The following DLGAP1 variants were observed in gnomAD, a reference collection of about 807,000 sequenced individuals.
The protein encoded by DLGAP1 is disks large-associated protein 1.
In DLGAP1, 11 loss-of-function variants were observed where a neutral mutation model predicts 90.8. The ratio of observed to expected loss-of-function variants is 0.12; its 90% CI spans 0.08 to 0.20. The LOEUF (loss-of-function observed/expected upper bound fraction) is 0.20, where lower values mean the gene tolerates loss of function less well. Ranked by LOEUF, DLGAP1 falls within the 10% of genes least tolerant of loss-of-function variation. DLGAP1 has a pLI of 1.00. For synonymous variants in DLGAP1, 558 were observed against 540.7 expected (o/e 1.03, Z -0.44); for missense variants, 1,050 against 1,333.8 (o/e 0.79, Z 3.31).
chr18:4,174,673 C>A lies in DLGAP1; in HGVS notation c.-266-23386G>T, dbSNP rs577324871. Among the ~76,000 whole-genome samples, 4 of 152,266 alleles carry A rather than the reference C, an allele frequency of 2.6e-5. 1 individual carries two copies. The South Asian group carries it at 8.3e-4, about 32-fold the overall frequency. ...TTATTTTACTTTAAGTTCTGGGATA[C>A]AAGTGCAGAACATGCTGGTTTGTTA... On this transcript the variant is annotated intron_variant, in intron 1 of 12. Transcript: ENST00000315677.
At chr18:3,702,002 C>T (rs2061294576) in intron 7 of DLGAP1, among the ~76,000 whole-genome samples, 1 of 152,066 alleles carries the variant, frequency 6.6e-6, no homozygotes, top group Non-Finnish European at 1.5e-5. Flanking sequence ...TTATGTTATT[C>T]TCTATGTATG....
intron 3 of DLGAP1, among the ~76,000 whole-genome samples, chr18:3,895,158 G>C (rs1235336072): frequency 2.0e-5 from 3 of 152,096 alleles, no homozygotes; most frequent in Non-Finnish European, 4.4e-5. Flanking sequence ...ACTTCGAGCA[G>C]TGCGTGCTCC....
At chr18:4,447,596 G>T (rs2083699796) in intron 1 of DLGAP1, among the ~76,000 whole-genome samples, 1 of 152,062 alleles carries the variant, frequency 6.6e-6, no homozygotes, top group South Asian at 2.1e-4. Flanking sequence ...CTGGGTGGTG[G>T]ACACAAAGGG....
chr18:3,672,239 CAG>C (rs1555623232), intron 7 of DLGAP1, among the ~76,000 whole-genome samples: 2 of 145,382 alleles, frequency 1.4e-5, no homozygotes, highest in Admixed American at 6.8e-5. Context: ...CACACACACA[CAG>C]AGGCAAGAAT....
intron 4 of DLGAP1, among the ~76,000 whole-genome samples, chr18:3,839,999 A>C (rs891425284): frequency 6.6e-6 from 1 of 152,026 alleles, no homozygotes; most frequent in Admixed American, 6.5e-5. Flanking sequence ...AAGCCCCACA[A>C]ATGGCTTTAC....
chr18:4,410,321 G>GA lies in DLGAP1; in HGVS notation c.-267+44684dup, dbSNP rs552400027. 2.0e-5 allele frequency among the ~76,000 whole-genome samples: 3 copies of GA among 152,202 alleles called. No homozygotes were observed. In the South Asian group the frequency reaches 6.2e-4, roughly 32 times the overall value. ...TTATGGAAAAATAAAAAAATTGGTA[G>GA]AAAAATTCAATAAGTCTAGCTAGAT... is the stretch of plus-strand genomic sequence containing the variant. On this transcript the variant is annotated intron_variant, in intron 1 of 12. Coordinates refer to ENST00000315677, the MANE Select transcript of DLGAP1 (RefSeq NM_004746.4).
At chr18:3,762,329 G>A (rs1406307103) in intron 5 of DLGAP1, among the ~76,000 whole-genome samples, 3 of 152,236 alleles carry the variant, frequency 2.0e-5, no homozygotes, top group Non-Finnish European at 2.9e-5. Context: ...TAAGAAAGAT[G>A]TAGTGACAGT....
In DLGAP1 at chr18:3,702,197, G is replaced by T. The variant is rs55815210; in HGVS notation, c.1591+26938C>A. Among the ~76,000 whole-genome samples, 8 of 152,176 alleles carry T rather than the reference G, an allele frequency of 5.3e-5. No individual in the cohort carries two copies. In the East Asian group the frequency reaches 1.4e-3, roughly 26 times the overall value. ...CTCCCAAGTAGCTGGGATTACAGGC[G>T]TCTGCCACCACGCCCGGCATGAAGT... On this transcript the variant is annotated intron_variant, in intron 7 of 12. Transcript: ENST00000315677.
intron 1 of DLGAP1, among the ~76,000 whole-genome samples, chr18:4,160,682 C>T (rs1312127898): frequency 1.3e-5 from 2 of 152,124 alleles, no homozygotes; most frequent in Non-Finnish European, 2.9e-5. Context: ...TATCACTATA[C>T]AGACCTAGGC....
chr18:3,550,736 T>C (rs887336882), intron 9 of DLGAP1, among the ~76,000 whole-genome samples: 1,038 of 35,856 alleles, frequency 0.029, 4 homozygotes, highest in African/African-American at 0.051. Context: ...ACCAGACCCT[T>C]TTTTTTTTTT....
chr18:4,452,290 G>A (rs192480142), intron 1 of DLGAP1, among the ~76,000 whole-genome samples: 1 of 151,974 alleles, frequency 6.6e-6, no homozygotes, highest in East Asian at 1.9e-4. Flanking sequence ...GAAATATTAC[G>A]AGATCAGAAT....
In DLGAP1 at chr18:3,818,329, ATAGGGATG is replaced by A. The variant is rs1434343556; in HGVS notation, c.958-4064_958-4057del. On this transcript the variant is annotated intron_variant, in intron 4 of 12. Transcript: ENST00000315677. Reference sequence around the variant, plus strand: ...AGTGCTAACATCCTCTAATTACAGGATAGGGATGTAGGGATGGTTTTTTTTTTTTTTTT... The same window carrying A: ...AGTGCTAACATCCTCTAATTACAGGATAGGGATGGTTTTTTTTTTTTTTTT... 3.4e-5 allele frequency among the ~76,000 whole-genome samples: 5 copies of A among 144,958 alleles called. No individual in the cohort carries two copies. In the Admixed American group the frequency reaches 3.5e-4, roughly 10 times the overall value.
At chr18:3,728,606 A>T (rs1885206453) in intron 7 of DLGAP1, among the ~76,000 whole-genome samples, 1 of 152,188 alleles carries the variant, frequency 6.6e-6, no homozygotes, top group Non-Finnish European at 1.5e-5. Context: ...TTTCTGTTAA[A>T]ATAAAACTCA....
intron 2 of DLGAP1, among the ~76,000 whole-genome samples, chr18:4,006,517 G>C (rs1005509192): frequency 2.0e-5 from 3 of 151,550 alleles, no homozygotes; most frequent in African/African-American, 7.3e-5. Context: ...GAGTGCTCCA[G>C]CTGTTGAATT....
rs375263541 is a variant in DLGAP1, at chr18:3,498,492, T to G, written c.*693A>C. The stretch of plus-strand genomic sequence containing the variant: ...TGATTGAGACATTTGAAGCTGTGAT[T>G]GATGAAGTAACAGTGAGGCAGTTTG... On this transcript the variant is annotated 3_prime_UTR_variant, in exon 13 of 13. Coordinates refer to ENST00000315677, the MANE Select transcript of DLGAP1 (RefSeq NM_004746.4). 3.9e-5 allele frequency: 6 copies of G among 152,302 alleles called. No homozygotes were observed. Among genetic ancestry groups the G allele is most frequent in the African/African-American group, 1.2e-4 (5 of 41,562 alleles). 9.4% of individuals were successfully genotyped at this position (152,302 alleles called of 1,614,324 possible). A position where few individuals can be genotyped will look rare whatever the true frequency, so the allele number is the denominator to read the frequency against.
chr18:4,023,371 A>C (rs377332209), intron 2 of DLGAP1, among the ~76,000 whole-genome samples: 1 of 152,164 alleles, frequency 6.6e-6, no homozygotes, highest in Non-Finnish European at 1.5e-5. Context: ...AAGCTATACA[A>C]CTGTCATGGG....
chr18:3,662,600 G>A (rs943570671), intron 7 of DLGAP1, among the ~76,000 whole-genome samples: 4 of 152,192 alleles, frequency 2.6e-5, no homozygotes, highest in Non-Finnish European at 5.9e-5. Flanking sequence ...TGAGACATAA[G>A]CTGAGAAGAT....
chr18:3,533,215 C>T (rs1010219388), intron 10 of DLGAP1, among the ~76,000 whole-genome samples: 3 of 152,164 alleles, frequency 2.0e-5, no homozygotes, highest in Non-Finnish European at 2.9e-5. Context: ...GCCATGATTG[C>T]GCCACTCCAA....
rs537828673 is a variant in DLGAP1 at position 4,454,315 on chromosome 18, G to A, written c.-267+691C>T. 3.3e-5 allele frequency among the ~76,000 whole-genome samples: 5 copies of A among 152,236 alleles called. No homozygotes were observed. The highest frequency in any genetic ancestry group is 5.9e-5 in the Non-Finnish European group (4 of 68,000). ...CGGCTCATTCAATTCGCTGAATGTC[G>A]GGTCTCCCGGCCCGCCCCGCGATTC... On this transcript the variant is annotated intron_variant, in intron 1 of 12. Coordinates refer to ENST00000315677, the MANE Select transcript of DLGAP1 (RefSeq NM_004746.4). The surrounding 1 kb of genome is among the most constrained non-coding windows in gnomAD (Gnocchi z 4.7).
Sources: gnomAD v4.1 joint callset for allele counts (sites outside exome capture counted in the v4.1 genomes callset) on GRCh38, gnomAD v4.1.1 for gene constraint, Gnocchi (gnomAD v3.1) non-coding constraint, MANE v1.5 for transcripts, NCBI Gene and HGNC (gene_info 2026-07-23, HGNC 2026-07-21) for gene names.